IFNAR1: variants seen among roughly 807,000 people sequenced by gnomAD.
IFNAR1 encodes the protein interferon alpha and beta receptor subunit 1.
A neutral mutation model predicts 62.1 loss-of-function variants in IFNAR1; 47 were observed. That is an observed-to-expected ratio of 0.76 (90% CI 0.60 to 0.97). IFNAR1 has a LOEUF of 0.97. IFNAR1 is among the 50% of genes least tolerant of loss of function. IFNAR1 has a pLI of 0.00. For synonymous variants in IFNAR1, 219 were observed against 226.9 expected, an observed-to-expected ratio of 0.97 and a Z score of 0.31; for missense variants, 638 against 654.5, an observed-to-expected ratio of 0.97 and a Z score of 0.27.
intron 1 of IFNAR1, among the ~76,000 whole-genome samples, chr21:33,330,402 A>T (rs898976174): frequency 2.6e-5 from 4 of 152,114 alleles, no homozygotes; most frequent in Non-Finnish European, 2.9e-5. Context: ...TAGGACATTT[A>T]AAAACAACTG....
chr21:33,348,823 T>A (rs2083372973), intron 6 of IFNAR1, among the ~76,000 whole-genome samples: 1 of 151,786 alleles, frequency 6.6e-6, no homozygotes, highest in South Asian at 2.1e-4. Context: ...CCAAAAAAAA[T>A]AAACCAGCTT....
chr21:33,351,993 T>C (rs1163778195), intron 8 of IFNAR1, among the ~76,000 whole-genome samples: 1 of 151,962 alleles, frequency 6.6e-6, no homozygotes, highest in Non-Finnish European at 1.5e-5. Flanking sequence ...ACCGGCTTGT[T>C]AGACATTATT....
rs1229821538 is a variant in IFNAR1, at chr21:33,325,025, T to G, written c.-31T>G. 1.9e-6 allele frequency: 3 copies of G among 1,569,660 alleles called. No homozygotes were observed. Among genetic ancestry groups the G allele is most frequent in the South Asian group, 1.2e-5 (1 of 85,910 alleles). The stretch of plus-strand genomic sequence containing the variant: ...GAGAGGAGCTGCGCGTGCGCGAACA[T>G]GTAACTGGTGGGATCTGCGGCGGCT... On this transcript the variant is annotated 5_prime_UTR_variant, in exon 1 of 11. An upstream start codon of the reference 5' UTR is lost. Transcript: ENST00000270139.
upstream of IFNAR1, chr21:33,324,797 G>A (rs2083106922): frequency 3.8e-6 from 2 of 527,936 alleles, no homozygotes; most frequent in Non-Finnish European, 6.8e-6. Context: ...GCACAGGGGT[G>A]CTGCAATTAG....
intron 8 of IFNAR1, among the ~76,000 whole-genome samples, chr21:33,352,525 C>G (rs2083407442): frequency 6.6e-6 from 1 of 152,070 alleles, no homozygotes; most frequent in Non-Finnish European, 1.5e-5. Context: ...ATCGCTTGAA[C>G]CCAGGAGGCA....
intron 8 of IFNAR1, among the ~76,000 whole-genome samples, chr21:33,350,962 G>A (rs1276878116): frequency 6.6e-6 from 1 of 152,128 alleles, no homozygotes; most frequent in Non-Finnish European, 1.5e-5. Context: ...TTTTCAAAAG[G>A]ATGTTTATAA....
In IFNAR1 at chr21:33,325,145, A is replaced by AG. The variant is rs1568923829; in HGVS notation, c.76+16dup. On this transcript the variant is annotated intron_variant, in intron 1 of 10. Transcript: ENST00000270139. ...CCGCAGCCGCAGGTGAGAGGCGGGG[A>AG]GGAGAGTCTTGGCGCAGGGCGGGAG... 6.2e-7 allele frequency: 1 copy of AG among 1,603,838 alleles called. No homozygotes were observed. Among genetic ancestry groups the AG allele is most frequent in the East Asian group, 2.2e-5 (1 of 44,516 alleles).
intron 3 of IFNAR1, 48 bp from the exon 4 acceptor site, chr21:33,343,220 G>T: frequency 6.6e-7 from 1 of 1,524,474 alleles, no homozygotes. Context: ...GAAGGTTTTG[G>T]CATTGTATTA....
upstream of IFNAR1, chr21:33,324,733 G>T (rs2083106143): frequency 2.0e-5 from 8 of 402,328 alleles, no homozygotes; most frequent in Middle Eastern, 7.2e-4. Flanking sequence ...CCATAGGCCG[G>T]AAAGAGTGAG....
intron 1 of IFNAR1, chr21:33,335,074 T>G (rs957350767): frequency 1.0e-6 from 1 of 955,054 alleles, no homozygotes; most frequent in Non-Finnish European, 1.7e-6. Context: ...AAGCCAGCAC[T>G]TGATTGCCCC....
intron 2 of IFNAR1, among the ~76,000 whole-genome samples, chr21:33,338,135 C>G (rs915236159): frequency 2.0e-5 from 3 of 152,158 alleles, no homozygotes; most frequent in African/African-American, 7.2e-5. Flanking sequence ...CAGTGGCCAA[C>G]AAGTATGTGA....
intron 1 of IFNAR1, chr21:33,334,467 G>A (rs17875795): frequency 0.098 from 32,537 of 333,652 alleles, 2,736 homozygotes; most frequent in African/African-American, 0.27. Context: ...TCAAAACCCT[G>A]TATATGGCAA....
intron 2 of IFNAR1, among the ~76,000 whole-genome samples, chr21:33,337,550 A>G (rs917402884): frequency 6.6e-6 from 1 of 152,202 alleles, no homozygotes; most frequent in Non-Finnish European, 1.5e-5. Context: ...CTCGAGTTGT[A>G]ACTAAAACTG....
chr21:33,328,939 A>G (rs945123565), intron 1 of IFNAR1, among the ~76,000 whole-genome samples: 1 of 152,196 alleles, frequency 6.6e-6, no homozygotes, highest in African/African-American at 2.4e-5. Flanking sequence ...TTGTATGTTA[A>G]TGTTACATAA....
intron 2 of IFNAR1, among the ~76,000 whole-genome samples, chr21:33,338,972 T>A (rs1601857494): frequency 6.6e-6 from 1 of 151,960 alleles, no homozygotes; most frequent in African/African-American, 2.4e-5. Flanking sequence ...GAACTCCTGA[T>A]CTCAAGTGAT....
At chr21:33,328,303 T>TGG (rs1180025692) in intron 1 of IFNAR1, among the ~76,000 whole-genome samples, 3 of 152,208 alleles carry the variant, frequency 2.0e-5, no homozygotes, top group Admixed American at 6.5e-5. Context: ...TTGTGAAACT[T>TGG]AACGTCTGTG....
chr21:33,347,130 C>T (rs1415944965), intron 6 of IFNAR1, among the ~76,000 whole-genome samples: 1 of 87,954 alleles, frequency 1.1e-5, no homozygotes, highest in Non-Finnish European at 2.1e-5. Context: ...ACCTCTAGAT[C>T]CTTTTTTTTT....
chr21:33,347,422 G>A (rs13046940), intron 6 of IFNAR1, among the ~76,000 whole-genome samples: 4,104 of 152,148 alleles, frequency 0.027, 82 homozygotes, highest in Non-Finnish European at 0.041. Context: ...GAGGCACCGC[G>A]CTCAGCCATT....
upstream of IFNAR1, chr21:33,324,819 G>A (rs2083107083): frequency 5.3e-6 from 3 of 562,940 alleles, no homozygotes; most frequent in Admixed American, 6.2e-5. Context: ...ATGGGGCAAT[G>A]GGAGCTTGGA....
Sources: gnomAD v4.1 joint callset for allele counts (sites outside exome capture counted in the v4.1 genomes callset) on GRCh38, gnomAD v4.1.1 for gene constraint, MANE v1.5 for transcripts, NCBI Gene and HGNC (gene_info 2026-07-23, HGNC 2026-07-21) for gene names.